FOXN3: variants seen among roughly 807,000 people sequenced by gnomAD.
The protein encoded by FOXN3 is forkhead box N3, also known as forkhead box protein N3.
Under a neutral mutation model 38.4 loss-of-function variants are expected in FOXN3, and 7 were observed. The ratio of observed to expected loss-of-function variants is 0.18; its 90% CI spans 0.10 to 0.34. The LOEUF is 0.34. Ranked by LOEUF, FOXN3 falls within the 10% of genes least tolerant of loss-of-function variation. The pLI is 1.00. For missense variants in FOXN3, 456 were observed against 613.4 expected, an observed-to-expected ratio of 0.74 and a Z score of 2.71; for synonymous variants, 230 against 242.2, an observed-to-expected ratio of 0.95 and a Z score of 0.47.
At chr14:89,196,102 C>A (rs895465718) in intron 4 of FOXN3, among the ~76,000 whole-genome samples, 1 of 152,200 alleles carries the variant, frequency 6.6e-6, no homozygotes, top group African/African-American at 2.4e-5. Context: ...ATGTAGTTGT[C>A]TTATCACATT....
chr14:89,201,706 C>T (rs751382550), intron 4 of FOXN3, among the ~76,000 whole-genome samples: 2 of 152,180 alleles, frequency 1.3e-5, no homozygotes, highest in African/African-American at 4.8e-5. Flanking sequence ...GTCTGTTTTT[C>T]CCCCTCTCTA....
rs1274985373 is a variant in FOXN3, at chr14:89,158,836, T to C, written c.*3578A>G. ...GTTCACGGTTGGTTTCCAAAGCATC[T>C]TTAAATATTGCTATAGTTCCCCGTT... On this transcript the variant is annotated 3_prime_UTR_variant, in exon 6 of 6. Coordinates refer to ENST00000557258, the MANE Select transcript of FOXN3 (RefSeq NM_005197.4). 1 of 152,618 alleles carries C rather than the reference T, an allele frequency of 6.6e-6. No homozygotes were observed. Among genetic ancestry groups the C allele is most frequent in the East Asian group, 1.9e-4 (1 of 5,194 alleles). The allele number at this position is 152,618 out of a possible 1,614,324, so 9.5% of individuals were successfully genotyped here.
At chr14:89,226,432 C>G (rs766098973) in intron 4 of FOXN3, among the ~76,000 whole-genome samples, 1 of 152,094 alleles carries the variant, frequency 6.6e-6, no homozygotes, top group Non-Finnish European at 1.5e-5. Context: ...CACACCACCA[C>G]GCCCAGGTAA....
chr14:89,344,756 A>G (rs1294073554), intron 3 of FOXN3, among the ~76,000 whole-genome samples: 1 of 152,210 alleles, frequency 6.6e-6, no homozygotes, highest in Non-Finnish European at 1.5e-5. Flanking sequence ...GGTTAGAAAA[A>G]TAGAAATTTC....
intron 1 of FOXN3, among the ~76,000 whole-genome samples, chr14:89,504,421 T>C (rs1893866824): frequency 6.6e-6 from 1 of 152,230 alleles, no homozygotes; most frequent in African/African-American, 2.4e-5. Context: ...TACCTCCTTG[T>C]TGGTGAGCTG....
intron 1 of FOXN3, among the ~76,000 whole-genome samples, chr14:89,445,095 C>T (rs117768001): frequency 0.022 from 3,357 of 151,682 alleles, 36 homozygotes; most frequent in Middle Eastern, 0.037. Flanking sequence ...GCACTCCTGA[C>T]TACCTAGGCG....
chr14:89,392,474 A>C (rs1432945901), intron 2 of FOXN3, among the ~76,000 whole-genome samples: 1 of 152,182 alleles, frequency 6.6e-6, no homozygotes, highest in Non-Finnish European at 1.5e-5. Context: ...TCCAGGTGTC[A>C]GCAGGGCTGG....
rs920643381 is a variant in FOXN3 at position 89,394,483 on chromosome 14, G to A, written c.543+17451C>T. On this transcript the variant is annotated intron_variant, in intron 2 of 5. Transcript: ENST00000557258. ...CAACCTCCCAAAGTGCTGTGATTAC[G>A]GGTGTGAGCCACTGCGCCCAGTCTC... Among the ~76,000 whole-genome samples the A allele has an allele frequency of 2.6e-5, 4 of 152,126 alleles. No individual in the cohort carries two copies. In the South Asian group the frequency reaches 6.2e-4, roughly 24 times the overall value.
Position 89,412,468 on chromosome 14 carries a change from T to C in FOXN3, c.9A>G (p.Pro3=), listed in dbSNP as rs1891568590. The C allele has an allele frequency of 6.2e-7, 1 of 1,601,396 alleles. No individual in the cohort carries two copies. The highest frequency in any genetic ancestry group is 1.7e-5 in the Admixed American group (1 of 58,310). Residue 3 remains proline (P), a synonymous_variant, in exon 2 of 6, where the codon CCA becomes CCG. Coordinates refer to ENST00000557258, the MANE Select transcript of FOXN3 (RefSeq NM_005197.4). The surrounding 1 kb of genome is among the most constrained non-coding windows in gnomAD (Gnocchi z 4.7). MG[P]VMPPSKKPES... ...CTGGCTTCTTACTGGGAGGCATGAC[T>C]GGACCCATTTACGTGAAGGCTCCTA...
At chr14:89,583,283 T>A (rs1051235877) in intron 1 of FOXN3, among the ~76,000 whole-genome samples, 3 of 152,190 alleles carry the variant, frequency 2.0e-5, no homozygotes, top group Non-Finnish European at 4.4e-5. Flanking sequence ...GCAGCATTGT[T>A]GAGAGGTGAG....
At chr14:89,433,844 T>G (rs1415834360) in intron 1 of FOXN3, among the ~76,000 whole-genome samples, 1 of 150,554 alleles carries the variant, frequency 6.6e-6, no homozygotes, top group African/African-American at 2.4e-5. Flanking sequence ...ACAGACATAT[T>G]CATTAAATGG....
intron 4 of FOXN3, among the ~76,000 whole-genome samples, chr14:89,200,432 CT>C (rs1888207850): frequency 6.6e-6 from 1 of 152,184 alleles, no homozygotes; most frequent in African/African-American, 2.4e-5. Flanking sequence ...GGCTGGGAGC[CT>C]GGTGCTGAGG....
chr14:89,168,645 G>A (rs945427440), intron 5 of FOXN3, among the ~76,000 whole-genome samples: 13 of 152,088 alleles, frequency 8.5e-5, no homozygotes, highest in Non-Finnish European at 1.9e-4. Context: ...AAGAACCAAC[G>A]GAAACCTAAC....
intron 1 of FOXN3, among the ~76,000 whole-genome samples, chr14:89,571,515 A>C (rs938681267): frequency 2.0e-5 from 3 of 152,034 alleles, no homozygotes; most frequent in African/African-American, 7.2e-5. Context: ...TCTCACAAAA[A>C]AAAAAAAAGA....
At chr14:89,286,513 G>A (rs144899273) in intron 3 of FOXN3, among the ~76,000 whole-genome samples, 146 of 152,252 alleles carry the variant, frequency 9.6e-4, no homozygotes, top group Non-Finnish European at 1.8e-3. Context: ...CTTAGCGCTG[G>A]AGATGGACTG....
At chr14:89,327,830 A>G (rs1488157302) in intron 3 of FOXN3, among the ~76,000 whole-genome samples, 1 of 152,234 alleles carries the variant, frequency 6.6e-6, no homozygotes, top group African/African-American at 2.4e-5. Context: ...AGCAGAGGCT[A>G]CCAGAATCAG....
At chr14:89,329,210 T>C (rs1888166142) in intron 3 of FOXN3, among the ~76,000 whole-genome samples, 1 of 152,124 alleles carries the variant, frequency 6.6e-6, no homozygotes, top group Admixed American at 6.5e-5. Context: ...CATTCTGACA[T>C]AGATAGTAGG....
chr14:89,595,064 C>T (rs1331413792), intron 1 of FOXN3, among the ~76,000 whole-genome samples: 1 of 152,050 alleles, frequency 6.6e-6, no homozygotes, highest in East Asian at 1.9e-4. Context: ...CGCCTGTAAT[C>T]CCAGCACTTT....
At chr14:89,584,131 T>A (rs889178115) in intron 1 of FOXN3, among the ~76,000 whole-genome samples, 64 of 151,066 alleles carry the variant, frequency 4.2e-4, no homozygotes, top group African/African-American at 1.5e-3. Context: ...AGTGCTGGGA[T>A]TACAGGTATG....
Sources: gnomAD v4.1 joint callset for allele counts (sites outside exome capture counted in the v4.1 genomes callset) on GRCh38, gnomAD v4.1.1 for gene constraint, Gnocchi (gnomAD v3.1) non-coding constraint, MANE v1.5 for transcripts, NCBI Gene and HGNC (gene_info 2026-07-23, HGNC 2026-07-21) for gene names.